TAP2: variants seen among roughly 807,000 people sequenced by gnomAD.
TAP2 encodes transporter 2, ATP binding cassette subfamily B member.
Under a neutral mutation model 74.7 loss-of-function variants are expected in TAP2, and 49 were observed. The ratio of observed to expected loss-of-function variants is 0.66; its 90% CI spans 0.52 to 0.83. The LOEUF (loss-of-function observed/expected upper bound fraction) is 0.83. Ranked by LOEUF, TAP2 falls within the 40% of genes least tolerant of loss-of-function variation. TAP2 has a pLI of 0.00. For synonymous variants in TAP2, 306 were observed against 368.4 expected, an observed-to-expected ratio of 0.83 and a Z score of 1.94; for missense variants, 739 against 859.0, an observed-to-expected ratio of 0.86 and a Z score of 1.75.
In TAP2 at chr6:32,835,057, A is replaced by T. The variant is rs1288642245; in HGVS notation, c.945+97T>A. ...TTCTCCCCTAATGGCTGAGAAGAGA[A>T]CATCTCTCTCTAGGGGATCCTCTAG... On this transcript the variant is annotated intron_variant, in intron 5 of 11. Transcript: ENST00000374897. This position sits in a 1 kb window ranked among gnomAD's most constrained non-coding sequence, Gnocchi z 4.0. The T allele has an allele frequency of 7.8e-7, 1 of 1,277,982 alleles. No individual in the cohort carries two copies. The highest frequency in any genetic ancestry group is 1.1e-6 in the Non-Finnish European group (1 of 890,624). 79.2% of individuals were successfully genotyped at this position (1,277,982 alleles called of 1,614,324 possible). A position where few individuals can be genotyped will look rare whatever the true frequency, so the allele number is the denominator to read the frequency against.
In TAP2 at chr6:32,835,285, A is replaced by G. The variant is rs1769342430; in HGVS notation, c.814T>C (p.Leu272=). The G allele has an allele frequency of 4.3e-6, 7 of 1,612,998 alleles. No individual in the cohort carries two copies. The highest frequency in any genetic ancestry group is 3.4e-6 in the Non-Finnish European group (4 of 1,180,044). ...NWLPLNANVL[L]RSLVKVVGLY... ...CCCACCACTTTCACCAGGCTTCGCA[A>G]GAGCACATTGGCATTTAAAGGAAGC... The change falls in exon 5 of 12, where the codon TTG becomes CTG. Residue 272 remains leucine, a synonymous_variant. Coordinates refer to ENST00000374897, the MANE Select transcript of TAP2 (RefSeq NM_001290043.2). This position sits in a 1 kb window ranked among gnomAD's most constrained non-coding sequence, Gnocchi z 4.0.
Position 32,829,914 on chromosome 6 carries a change from A to C in TAP2, c.1795+16T>G, listed in dbSNP as rs745923930. 1 of 1,613,050 alleles carries C rather than the reference A, an allele frequency of 6.2e-7. No homozygotes were observed. The highest frequency in any genetic ancestry group is 2.2e-5 in the East Asian group (1 of 44,892). ...TTTTTTACTGAAGGAGCAAGCTTAC[A>C]ATTTGTAGAAGATACCTGTGTATAT... is the stretch of plus-strand genomic sequence containing the variant. On this transcript the variant is annotated intron_variant, in intron 10 of 11. Transcript: ENST00000374897.
chr6:32,835,109 G>A lies in TAP2; in HGVS notation c.945+45C>T. ...CACAAATGTGGAAGCCTCCTCACCT[G>A]TCAGTTTTATTCTCCCTTTGGGGTT... On this transcript the variant is annotated intron_variant, in intron 5 of 11. Transcript: ENST00000374897. The surrounding 1 kb of genome is among the most constrained non-coding windows in gnomAD (Gnocchi z 4.0). The A allele has an allele frequency of 6.2e-7, 1 of 1,600,080 alleles. No individual in the cohort carries two copies. Among genetic ancestry groups the A allele is most frequent in the Non-Finnish European group, 8.5e-7 (1 of 1,170,518 alleles).
rs139576885 is a variant in TAP2, at chr6:32,838,075, T to C, written c.159A>G (p.Leu53=). The C allele has an allele frequency of 2.7e-5, 43 of 1,611,866 alleles. 1 individual carries two copies. Among genetic ancestry groups the C allele is most frequent in the Non-Finnish European group, 3.6e-5 (42 of 1,179,702 alleles). ...CAAATCCCAGCAGCCCTCTTAGCTT[T>C]AGCAGCCCCCACAGCCCTCCCAGCC... ...TLRLGGLWGL[L]KLRGLLGFVG... is the part of the protein sequence containing the mutation. The change falls in exon 2 of 12, where the codon CTA becomes CTG. Residue 53 remains leucine, a synonymous_variant. Coordinates refer to ENST00000374897, the MANE Select transcript of TAP2 (RefSeq NM_001290043.2).
intron 5 of TAP2, among the ~76,000 whole-genome samples, chr6:32,834,107 T>C (rs1034055579): frequency 6.6e-6 from 1 of 152,190 alleles, no homozygotes; most frequent in Middle Eastern, 3.2e-3. Context: ...TTAAATAGAA[T>C]TGCCATATGA....
chr6:32,827,851 G>A lies in TAP2; in HGVS notation c.*1055C>T, dbSNP rs1216031500. 8.1e-6 allele frequency: 7 copies of A among 865,834 alleles called. 1 individual carries two copies. The highest frequency in any genetic ancestry group is 4.4e-5 in the African/African-American group (2 of 45,500). 53.6% of individuals were successfully genotyped at this position (865,834 alleles called of 1,614,324 possible). ...AAAAATGACTTTGTGAAGAATGGCC[G>A]GAAGAGGGAAGCTAATGGTAGAGAA... On this transcript the variant is annotated 3_prime_UTR_variant, in exon 12 of 12. Coordinates refer to ENST00000374897, the MANE Select transcript of TAP2 (RefSeq NM_001290043.2).
Position 32,826,142 on chromosome 6 carries a change from T to C in TAP2, c.*2764A>G. 1 of 985,460 alleles carries C rather than the reference T, an allele frequency of 1.0e-6. No individual in the cohort carries two copies. Among genetic ancestry groups the C allele is most frequent in the Non-Finnish European group, 1.2e-6 (1 of 829,940 alleles). 61.0% of individuals were successfully genotyped at this position (985,460 alleles called of 1,614,324 possible). ...CTTTGTTTTCCTTATTCCCTAGTCC[T>C]TTCCCCACAAAATTCTGACAATTAC... is the stretch of plus-strand genomic sequence containing the variant. On this transcript the variant is annotated 3_prime_UTR_variant, in exon 12 of 12. Coordinates refer to ENST00000374897, the MANE Select transcript of TAP2 (RefSeq NM_001290043.2).
At chr6:32,824,152 C>G (rs58075577), downstream of TAP2, among the ~76,000 whole-genome samples, 10,385 of 152,066 alleles carry the variant, frequency 0.068, 675 homozygotes, top group African/African-American at 0.18. Context: ...GTTTCAATTT[C>G]TCAATTAATT....
At position 32,827,341 on chromosome 6, in the gene TAP2, A is replaced by G. The variant is rs1768722252; in HGVS notation, c.*1565T>C. 1.0e-6 allele frequency: 1 copy of G among 984,930 alleles called. No homozygotes were observed. Among genetic ancestry groups the G allele is most frequent in the Admixed American group, 6.2e-5 (1 of 16,260 alleles). The allele number at this position is 984,930 out of a possible 1,614,324, so 61.0% of individuals were successfully genotyped here. A position where few individuals can be genotyped will look rare whatever the true frequency, so the allele number is the denominator to read the frequency against. On this transcript the variant is annotated 3_prime_UTR_variant, in exon 12 of 12. Coordinates refer to ENST00000374897, the MANE Select transcript of TAP2 (RefSeq NM_001290043.2). The stretch of plus-strand genomic sequence containing the variant: ...GTGGAGATATTTATTCATTTATTCA[A>G]TTGACTATTTATTCTCCACTATGAA...
chr6:32,832,635 C>G lies in TAP2; in HGVS notation c.1135G>C (p.Val379Leu). Residue 379 changes from valine (V) to leucine (L), a missense_variant, in exon 6 of 12, where the codon GTA becomes CTA. Physicochemically the swap from Val to Leu is conservative, Grantham distance 32 (BLOSUM62 1). Coordinates refer to ENST00000374897, the MANE Select transcript of TAP2 (RefSeq NM_001290043.2). The surrounding 1 kb of genome is among the most constrained non-coding windows in gnomAD (Gnocchi z 5.9). ...RDLERALYLL[V>L]RRVLHLGVQM... ...CCACTCTGGTATCTTACCCTCCTTA[C>G]GAGCAGGTACAAGGCGCGTTCCAGG... The G allele has an allele frequency of 1.2e-6, 2 of 1,612,924 alleles. No homozygotes were observed. Among genetic ancestry groups the G allele is most frequent in the East Asian group, 2.2e-5 (1 of 44,882 alleles).
At chr6:32,823,080 C>A (rs2127340524), downstream of TAP2, among the ~76,000 whole-genome samples, 2 of 152,088 alleles carry the variant, frequency 1.3e-5, no homozygotes, top group African/African-American at 4.8e-5. Flanking sequence ...CCACCACACC[C>A]AGCTAATTTT....
chr6:32,824,750 C>T (rs1051731372), downstream of TAP2, among the ~76,000 whole-genome samples: 1 of 152,086 alleles, frequency 6.6e-6, no homozygotes, highest in Non-Finnish European at 1.5e-5. Context: ...AATGTGGCAG[C>T]ATCTGAAGGT....
chr6:32,837,809 A>C lies in TAP2; in HGVS notation c.425T>G (p.Leu142Arg). 1 of 1,614,088 alleles carries C rather than the reference A, an allele frequency of 6.2e-7. No homozygotes were observed. Among genetic ancestry groups the C allele is most frequent in the Non-Finnish European group, 8.5e-7 (1 of 1,180,020 alleles). Residue 142 changes from leucine (L) to arginine (R), a missense_variant, in exon 2 of 12, where the codon CTG (leucine) becomes CGG (arginine). Physicochemically the swap from Leu to Arg is moderately radical, Grantham distance 102 (BLOSUM62 -2). Coordinates refer to ENST00000374897, the MANE Select transcript of TAP2 (RefSeq NM_001290043.2). ...VNNKVLMWRL[L>R]KLSRPDLPLL... ...AGGCAGGTCCGGCCTGGAGAGCTTC[A>C]GCAGCCTCCACATCAAGACTTTGTT...
In TAP2 at chr6:32,828,676, C is replaced by CCTCCACCCCA. The variant is rs1205826570; in HGVS notation, c.*229_*230insTGGGGTGGAG. 51 of 802,706 alleles carry CCTCCACCCCA rather than the reference C, an allele frequency of 6.4e-5. No individual in the cohort carries two copies. The highest frequency in any genetic ancestry group is 1.2e-4 in the East Asian group (1 of 8,114). The allele number at this position is 802,706 out of a possible 1,614,324, so 49.7% of individuals were successfully genotyped here. A position where few individuals can be genotyped will look rare whatever the true frequency, so the allele number is the denominator to read the frequency against. On this transcript the variant is annotated 3_prime_UTR_variant, in exon 12 of 12. Transcript: ENST00000374897. ...AATTAAGTTTCCTGGACACAGACAG[C>CCTCCACCCCA]CCCCACCCCACCCCACCCCACCTCT...
rs750430652 is a variant in TAP2 at position 32,830,255 on chromosome 6, C to T, written c.1635+12G>A. On this transcript the variant is annotated intron_variant, in intron 9 of 11. Transcript: ENST00000374897. ...CCCTCTCCTGTCCCCTGTCTTCTCC[C>T]TCCTCACCCACCTGGCTGTGCAGGT... The T allele has an allele frequency of 1.2e-6, 2 of 1,613,138 alleles. No homozygotes were observed. The highest frequency in any genetic ancestry group is 2.7e-5 in the African/African-American group (2 of 75,040).
Position 32,837,651 on chromosome 6 carries a change from C to T in TAP2, c.494G>A (p.Gly165Asp), listed in dbSNP as rs1769504477. 1.2e-6 allele frequency: 2 copies of T among 1,614,120 alleles called. No individual in the cohort carries two copies. Among genetic ancestry groups the T allele is most frequent in the Non-Finnish European group, 8.5e-7 (1 of 1,180,010 alleles). ...AGAATAGTGAGGGATTAATGTCTCACCTGAAAGAGGCATGAAAAATAACAC... is the reference window on the plus strand; with the variant it reads ...AGAATAGTGAGGGATTAATGTCTCATCTGAAAGAGGCATGAAAAATAACAC... ...AFFFLVLAVL[G>D]ETLIPHYSGR... The change falls in exon 3 of 12, where the codon GGT becomes GAT. Residue 165 changes from glycine (G) to aspartate (D), a missense_variant and splice_region_variant. Physicochemically the swap from Gly to Asp is moderately conservative, Grantham distance 94 (BLOSUM62 -1). Coordinates refer to ENST00000374897, the MANE Select transcript of TAP2 (RefSeq NM_001290043.2).
chr6:32,837,641 T>C lies in TAP2; in HGVS notation c.504A>G (p.Leu168=). The change falls in exon 3 of 12, where the codon TTA becomes TTG. Residue 168 remains leucine (L), a synonymous_variant. Transcript: ENST00000374897. The part of the protein sequence containing the change: ...FLVLAVLGET[L]IPHYSGRVID... ...TCACACGACCAGAATAGTGAGGGAT[T>C]AATGTCTCACCTGAAAGAGGCATGA... 6.2e-7 allele frequency: 1 copy of C among 1,614,116 alleles called. No individual in the cohort carries two copies.
At chr6:32,823,429 A>ATTTT (rs9280195), downstream of TAP2, among the ~76,000 whole-genome samples, 109 of 64,480 alleles carry the variant, frequency 1.7e-3, no homozygotes, top group African/African-American at 2.2e-3. Flanking sequence ...GTCACACTCA[A>ATTTT]TTTTTTTTTT....
At chr6:32,825,127 TATATAC>T (rs138777594), downstream of TAP2, among the ~76,000 whole-genome samples, 10,118 of 105,494 alleles carry the variant, frequency 0.096, 780 homozygotes, top group African/African-American at 0.22. Flanking sequence ...GTCTGTTGGT[TATATAC>T]ATATATATAT....
Sources: gnomAD v4.1 joint callset for allele counts (sites outside exome capture counted in the v4.1 genomes callset) on GRCh38, gnomAD v4.1.1 for gene constraint, Gnocchi (gnomAD v3.1) non-coding constraint, MANE v1.5 for transcripts, NCBI Gene and HGNC (gene_info 2026-07-23, HGNC 2026-07-21) for gene names.